The following ITGA10 variants were observed in gnomAD, a reference collection of about 807,000 sequenced individuals.
ITGA10 encodes integrin subunit alpha 10.
A neutral mutation model predicts 145.2 loss-of-function variants in ITGA10; 105 were observed. The ratio of observed to expected loss-of-function variants is 0.72; its 90% CI spans 0.62 to 0.85. The LOEUF (loss-of-function observed/expected upper bound fraction) is 0.85, where lower values mean the gene tolerates loss of function less well. Ranked by LOEUF, ITGA10 falls within the 40% of genes least tolerant of loss-of-function variation. The pLI is 0.00. For missense variants in ITGA10, 1,317 were observed against 1,444.5 expected, an observed-to-expected ratio of 0.91 and a Z score of 1.43; for synonymous variants, 506 against 557.8, an observed-to-expected ratio of 0.91 and a Z score of 1.31.
chr1:145,893,679 T>G, intron 27 of ITGA10, 44 bp from the exon 28 acceptor site: 1 of 1,465,778 alleles, frequency 6.8e-7, no homozygotes, highest in Non-Finnish European at 9.5e-7. Context: ...TGAGCCATTA[T>G]CAGGTGATAT....
chr1:145,901,429 C>A lies in ITGA10; in HGVS notation c.1443+87G>T, dbSNP rs1656300653. On this transcript the variant is annotated intron_variant, in intron 12 of 29. Coordinates refer to ENST00000369304, the MANE Select transcript of ITGA10 (RefSeq NM_003637.5). The surrounding 1 kb of genome is among the most constrained non-coding windows in gnomAD (Gnocchi z 4.3). ...CAGAATTCCGCACAGACTTTGGAGG[C>A]CTCTCTCTTACCCACTTCACACTCC... is the stretch of plus-strand genomic sequence containing the variant. 1 of 1,482,348 alleles carries A rather than the reference C, an allele frequency of 6.7e-7. No individual in the cohort carries two copies. The highest frequency in any genetic ancestry group is 2.2e-5 in the Admixed American group (1 of 44,790). 91.8% of individuals were successfully genotyped at this position (1,482,348 alleles called of 1,614,324 possible). A position where few individuals can be genotyped will look rare whatever the true frequency, so the allele number is the denominator to read the frequency against.
At position 145,907,435 on chromosome 1, in the gene ITGA10, T is replaced by C. The variant is rs147732777; in HGVS notation, c.83A>G (p.His28Arg). The change falls in exon 2 of 30, where the codon CAT becomes CGT. Residue 28 changes from histidine to arginine, a missense_variant. His to Arg is a conservative substitution (Grantham distance 29, BLOSUM62 0). Coordinates refer to ENST00000369304, the MANE Select transcript of ITGA10 (RefSeq NM_003637.5). ...GLCSPFNLDE[H>R]HPRLFPGPPE... The stretch of plus-strand genomic sequence containing the variant: ...TGGCCCTGGGAATAGGCGTGGGTGA[T>C]GTTCATCCAGGTTAAAGGGGGAGCA... 5.0e-6 allele frequency: 8 copies of C among 1,613,968 alleles called. No homozygotes were observed. In the African/African-American group the frequency reaches 6.7e-5, roughly 13 times the overall value.
chr1:145,904,934 C>T (rs1553750588), intron 5 of ITGA10, 123 bp from the exon 6 acceptor site: 1 of 941,954 alleles, frequency 1.1e-6, no homozygotes, highest in South Asian at 1.7e-5. Context: ...AAAGAAGGTA[C>T]TGTGCCAGGC....
chr1:145,897,496 C>T lies in ITGA10; in HGVS notation c.2574+16G>A, dbSNP rs782256023. 13 of 1,613,634 alleles carry T rather than the reference C, an allele frequency of 8.1e-6. No individual in the cohort carries two copies. In the South Asian group the frequency reaches 1.4e-4, roughly 18 times the overall value. On this transcript the variant is annotated intron_variant, in intron 20 of 29. Coordinates refer to ENST00000369304, the MANE Select transcript of ITGA10 (RefSeq NM_003637.5). ...TCCTTTCTTTCCTTCTCCCACACCC[C>T]CTCCTCCAAAGGCACCTGAGGAGTG...
chr1:145,893,057 G>A (rs782183775), intron 29 of ITGA10, 104 bp downstream of exon 29: 33 of 977,438 alleles, frequency 3.4e-5, no homozygotes, highest in Non-Finnish European at 5.3e-5. Flanking sequence ...GACATCCACA[G>A]CCTGGTTAGC....
intron 7 of ITGA10, among the ~76,000 whole-genome samples, chr1:145,903,628 C>G (rs1656689209): frequency 6.6e-6 from 1 of 151,678 alleles, no homozygotes; most frequent in Admixed American, 6.6e-5. Context: ...CACTCCAAAC[C>G]TGCCCTAACT....
intron 17 of ITGA10, among the ~76,000 whole-genome samples, chr1:145,898,437 C>T (rs1444341643): frequency 6.6e-6 from 1 of 152,022 alleles, no homozygotes; most frequent in Non-Finnish European, 1.5e-5. Flanking sequence ...GGCATGATCT[C>T]GGCTCACTGC....
chr1:145,896,448 G>C, intron 23 of ITGA10, 96 bp from the exon 24 acceptor site: 1 of 928,740 alleles, frequency 1.1e-6, no homozygotes, highest in Non-Finnish European at 1.8e-6. Context: ...AGAGGAGGCA[G>C]GGCCAGCACA....
At chr1:145,903,106 G>T (rs1320648470) in intron 7 of ITGA10, 145 bp from the exon 8 acceptor site, 2 of 725,366 alleles carry the variant, frequency 2.8e-6, no homozygotes, top group Non-Finnish European at 4.4e-6. Context: ...CAGGCATCTT[G>T]CCTTTTAGGC....
At position 145,901,940 on chromosome 1, in the gene ITGA10, G is replaced by A. The variant is rs200680464; in HGVS notation, c.1231C>T (p.Pro411Ser). 6.2e-7 allele frequency: 1 copy of A among 1,614,162 alleles called. No individual in the cohort carries two copies. The highest frequency in any genetic ancestry group is 2.2e-5 in the East Asian group (1 of 44,886). The change falls in exon 11 of 30, where the codon CCC becomes TCC. Residue 411 changes from proline to serine, a missense_variant. By Grantham distance (74) the Pro-to-Ser change is moderately conservative. Transcript: ENST00000369304. The surrounding 1 kb of genome is among the most constrained non-coding windows in gnomAD (Gnocchi z 4.3). The stretch of plus-strand genomic sequence containing the variant: ...TCGTCTTCCAGTGCCATTCGTGGGG[G>A]GAAAAGGCGGTGGCCTCCTTCAAGC... The part of the protein sequence containing the change: ...LWLEGGHRLF[P>S]PRMALEDEFP...
In ITGA10 at chr1:145,901,935, TG is replaced by T. The variant is rs1314859856; in HGVS notation, c.1235del (p.Pro412HisfsTer60). 1.9e-6 allele frequency: 3 copies of T among 1,613,820 alleles called. No individual in the cohort carries two copies. Among genetic ancestry groups the T allele is most frequent in the African/African-American group, 2.7e-5 (2 of 74,858 alleles). ...GGAACTCGTCTTCCAGTGCCATTCG[TG>T]GGGGGAAAAGGCGGTGGCCTCCTTC... is the stretch of plus-strand genomic sequence containing the variant. ...WLEGGHRLFP[P>X]RMALEDEFPP... is the part of the protein sequence containing the mutation. On this transcript the variant is annotated frameshift_variant, in exon 11 of 30. Transcript: ENST00000369304. LOFTEE classifies it high-confidence loss of function. The surrounding 1 kb of genome is among the most constrained non-coding windows in gnomAD (Gnocchi z 4.3).
Position 145,907,170 on chromosome 1 carries a change from G to C in ITGA10, c.165-20C>G, listed in dbSNP as rs1553751566. 3 of 1,558,822 alleles carry C rather than the reference G, an allele frequency of 1.9e-6. No homozygotes were observed. The highest frequency in any genetic ancestry group is 2.4e-5 in the East Asian group (1 of 42,052). On this transcript the variant is annotated intron_variant, in intron 2 of 29. Coordinates refer to ENST00000369304, the MANE Select transcript of ITGA10 (RefSeq NM_003637.5). ...AGCATCCTGGGAAGAGGATGTGAATGTAAGTAAGCACAGGGCAAACATGAC... is the reference window on the plus strand; with the variant it reads ...AGCATCCTGGGAAGAGGATGTGAATCTAAGTAAGCACAGGGCAAACATGAC...
At position 145,900,121 on chromosome 1, in the gene ITGA10, C is replaced by T; in HGVS notation, c.1858G>A (p.Asp620Asn). 1 of 1,614,166 alleles carries T rather than the reference C, an allele frequency of 6.2e-7. No individual in the cohort carries two copies. The highest frequency in any genetic ancestry group is 8.5e-7 in the Non-Finnish European group (1 of 1,180,016). Reference sequence around the variant, plus strand: ...TCGACCAGATCATCTCCATCCAGATCTAGCCGACCATCCACACTTCGGCCA... The same window carrying T: ...TCGACCAGATCATCTCCATCCAGATTTAGCCGACCATCCACACTTCGGCCA... ...YFGRSVDGRLDLDGDDLVDVA... is the reference protein window; with the variant it reads ...YFGRSVDGRLNLDGDDLVDVA... Residue 620 changes from aspartate (D) to asparagine (N), a missense_variant, in exon 15 of 30, where the codon GAT becomes AAT. Coordinates refer to ENST00000369304, the MANE Select transcript of ITGA10 (RefSeq NM_003637.5).
intron 6 of ITGA10, 149 bp downstream of exon 6, chr1:145,904,534 AT>A (rs797027477): frequency 1.7e-3 from 1,292 of 747,978 alleles, no homozygotes; most frequent in Non-Finnish European, 2.0e-3. Flanking sequence ...ATGCCTGGCT[AT>A]TTTTTTTTTC....
At chr1:145,909,332 T>TCCC (rs1657536982) in intron 1 of ITGA10, among the ~76,000 whole-genome samples, 1 of 150,444 alleles carries the variant, frequency 6.6e-6, no homozygotes, top group African/African-American at 2.5e-5. Context: ...TGGTGGCGCG[T>TCCC]ACCTAGTAGT....
chr1:145,900,018 G>T (rs1202685025), intron 15 of ITGA10, 39 bp downstream of exon 15: 1 of 1,593,106 alleles, frequency 6.3e-7, no homozygotes, highest in Non-Finnish European at 8.5e-7. Flanking sequence ...TAACAGCTAT[G>T]CTATGCTGTC....
intron 17 of ITGA10, 134 bp from the exon 18 acceptor site, chr1:145,898,357 G>C: frequency 5.4e-6 from 2 of 369,356 alleles, no homozygotes; most frequent in East Asian, 4.7e-5. Flanking sequence ...TAATTAATTA[G>C]TTAATTTATT....
rs782251645 is a variant in ITGA10 at position 145,896,024 on chromosome 1, C to T, written c.2992G>A (p.Gly998Ser). 23 of 1,613,958 alleles carry T rather than the reference C, an allele frequency of 1.4e-5. No homozygotes were observed. The highest frequency in any genetic ancestry group is 6.7e-5 in the Admixed American group (4 of 60,000). Residue 998 changes from glycine (G) to serine (S), a missense_variant, in exon 25 of 30, where the codon GGC becomes AGC. By Grantham distance (56) the Gly-to-Ser change is moderately conservative (BLOSUM62 0). Coordinates refer to ENST00000369304, the MANE Select transcript of ITGA10 (RefSeq NM_003637.5). ...TGAGACAGTGATAGGAAGTAATTGC[C>T]CCCATGGGCCACAGCTGGAAGGAGG... ...SALLPAVAHG[G>S]NYFLSLSQVI...
chr1:145,901,365 G>T lies in ITGA10; in HGVS notation c.1444-87C>A. On this transcript the variant is annotated intron_variant, in intron 12 of 29. Transcript: ENST00000369304. This position sits in a 1 kb window ranked among gnomAD's most constrained non-coding sequence, Gnocchi z 4.3. ...CTCAGTGGGAAGCACTCACCAGCCT[G>T]CTAGTCTGCTCCTTACATCCCTGAC... 1 of 1,537,562 alleles carries T rather than the reference G, an allele frequency of 6.5e-7. No homozygotes were observed. Among genetic ancestry groups the T allele is most frequent in the East Asian group, 2.3e-5 (1 of 44,256 alleles).
Sources: allele counts gnomAD v4.1 joint callset (sites outside exome capture counted in the v4.1 genomes callset), GRCh38; gene constraint gnomAD v4.1.1; non-coding constraint Gnocchi (gnomAD v3.1); transcripts MANE v1.5; gene names NCBI Gene and HGNC (gene_info 2026-07-23, HGNC 2026-07-21).